NOX4: variants seen among roughly 807,000 people sequenced by gnomAD.
NOX4 encodes NADPH oxidase 4.
NOX4 carries 69 observed loss-of-function variants against 87.6 expected under a neutral mutation model. The observed-to-expected ratio is 0.79, with a 90% CI of 0.65 to 0.96. The LOEUF is 0.96. NOX4 is among the 40% of genes least tolerant of loss of function. The pLI is 0.00. For missense variants in NOX4, 680 were observed against 681.5 expected, an observed-to-expected ratio of 1.00 and a Z score of 0.02; for synonymous variants, 275 against 238.2, an observed-to-expected ratio of 1.15 and a Z score of -1.42.
intron 7 of NOX4, among the ~76,000 whole-genome samples, chr11:89,424,066 C>T (rs1440508841): frequency 2.6e-5 from 4 of 151,596 alleles, no homozygotes; most frequent in Non-Finnish European, 5.9e-5. Flanking sequence ...GAGAAAGACC[C>T]TGTCTCAAAA....
chr11:89,486,814 C>T lies in NOX4; in HGVS notation c.153+3644G>A, dbSNP rs1384410461. ...CTCCTGGCTTCAAGCAATGCTCCCA[C>T]CTTGGCCTCCCAAACCAATAATTTT... On this transcript the variant is annotated intron_variant, in intron 2 of 17. Transcript: ENST00000263317. 2.0e-5 allele frequency among the ~76,000 whole-genome samples: 3 copies of T among 151,790 alleles called. No individual in the cohort carries two copies. The East Asian group carries it at 5.8e-4, about 29-fold the overall frequency.
chr11:89,481,264 T>G (rs887277747), intron 2 of NOX4, among the ~76,000 whole-genome samples: 2 of 151,738 alleles, frequency 1.3e-5, no homozygotes, highest in Non-Finnish European at 2.9e-5. Context: ...TATATATATA[T>G]GTGTGTGTGT....
At chr11:89,399,432 A>AATATATAT (rs1208007737) in intron 11 of NOX4, among the ~76,000 whole-genome samples, 3,727 of 74,444 alleles carry the variant, frequency 0.05, 87 homozygotes, top group African/African-American at 0.061. Context: ...CAAGAAATTA[A>AATATATAT]ATATATATAT....
chr11:89,402,487 G>T lies in NOX4; in HGVS notation c.685C>A (p.Leu229Ile). ...LDTHPPGCIS[L>I]NRTSSQNISL... ...ATATTCTGAGAGCTGGTTCGGTTAA[G>T]ACTGATGCAGCCGGGAGGGTGGGTA... The change falls in exon 9 of 18, where the codon CTT (leucine) becomes ATT (isoleucine). Residue 229 changes from leucine (L) to isoleucine (I), a missense_variant. Transcript: ENST00000263317. 6.2e-7 allele frequency: 1 copy of T among 1,612,374 alleles called. No individual in the cohort carries two copies. Among genetic ancestry groups the T allele is most frequent in the South Asian group, 1.1e-5 (1 of 90,736 alleles).
the NOX4 span, among the ~76,000 whole-genome samples, chr11:89,528,490 C>T: frequency 4.1e-4 from 63 of 152,258 alleles, no homozygotes; most frequent in African/African-American, 1.4e-3. Context: ...TCACAATCCC[C>T]ATGTTTCAAA....
At chr11:89,448,485 T>G (rs1944809526) in intron 4 of NOX4, among the ~76,000 whole-genome samples, 1 of 152,176 alleles carries the variant, frequency 6.6e-6, no homozygotes, top group Admixed American at 6.6e-5. Flanking sequence ...CTTCAGAAAT[T>G]TTGACATTGG....
intron 7 of NOX4, among the ~76,000 whole-genome samples, chr11:89,429,967 C>A (rs184287672): frequency 0.013 from 2,043 of 152,252 alleles, 45 homozygotes; most frequent in African/African-American, 0.047. Context: ...AAAATACTGG[C>A]AAACCGAATC....
At chr11:89,570,085 A>G in the NOX4 span, among the ~76,000 whole-genome samples, 1 of 152,218 alleles carries the variant, frequency 6.6e-6, no homozygotes, top group Middle Eastern at 3.2e-3. Context: ...GCACAATAGC[A>G]AAGATGTGGA....
chr11:89,511,531 G>A, the NOX4 span, among the ~76,000 whole-genome samples: 13 of 151,830 alleles, frequency 8.6e-5, no homozygotes, highest in African/African-American at 3.1e-4. Context: ...CATAACTAGG[G>A]GTTATTGTTG....
chr11:89,499,219 C>T (rs541004127), upstream of NOX4: 2 of 152,304 alleles, frequency 1.3e-5, no homozygotes, highest in African/African-American at 4.8e-5. Context: ...TCCTTACTTA[C>T]ACCCCTTGTC....
the NOX4 span, among the ~76,000 whole-genome samples, chr11:89,534,363 A>G: frequency 1.3e-5 from 2 of 152,272 alleles, no homozygotes; most frequent in East Asian, 3.9e-4. Context: ...GACATTTCTG[A>G]GTCACAATAT....
rs190639363 is a variant in NOX4, at chr11:89,453,000, T to C, written c.154-1105A>G. ...TTGAGGCTGCAGTGAGTCATGTTCA[T>C]GCCACTGGAGTACAGCCTGGGTGAA... On this transcript the variant is annotated intron_variant, in intron 2 of 17. Coordinates refer to ENST00000263317, the MANE Select transcript of NOX4 (RefSeq NM_016931.5). Among the ~76,000 whole-genome samples the C allele has an allele frequency of 5.7e-4, 87 of 152,146 alleles. 1 individual carries two copies. The highest frequency in any genetic ancestry group is 2.0e-3 in the African/African-American group (81 of 41,530).
rs1236712815 is a variant in NOX4 at position 89,326,408 on chromosome 11, A to T, written c.*348T>A. 6.3e-6 allele frequency: 1 copy of T among 158,126 alleles called. No homozygotes were observed. The highest frequency in any genetic ancestry group is 1.4e-5 in the Non-Finnish European group (1 of 72,160). The allele number at this position is 158,126 out of a possible 1,614,324, so 9.8% of individuals were successfully genotyped here. A position where few individuals can be genotyped will look rare whatever the true frequency, so the allele number is the denominator to read the frequency against. ...ATTTGTTCAACCAAAAACAATTTAA[A>T]GAGGAACACGACAATCAGCCTTAGA... On this transcript the variant is annotated 3_prime_UTR_variant, in exon 18 of 18. Transcript: ENST00000263317.
At chr11:89,354,119 G>C (rs1229932212) in intron 13 of NOX4, among the ~76,000 whole-genome samples, 2 of 152,170 alleles carry the variant, frequency 1.3e-5, no homozygotes, top group Non-Finnish European at 2.9e-5. Context: ...TCAAAGCGAT[G>C]AAAGAATTTG....
chr11:89,486,289 A>T (rs1423635893), intron 2 of NOX4, among the ~76,000 whole-genome samples: 2 of 148,170 alleles, frequency 1.3e-5, no homozygotes, highest in African/African-American at 4.9e-5. Context: ...ATAAATAAAT[A>T]AATTTATTTA....
intron 12 of NOX4, among the ~76,000 whole-genome samples, chr11:89,359,976 A>T (rs1256007129): frequency 2.0e-5 from 3 of 152,034 alleles, no homozygotes; most frequent in Non-Finnish European, 4.4e-5. Context: ...TTTAAATGGC[A>T]TCAAAACGAA....
intron 13 of NOX4, among the ~76,000 whole-genome samples, chr11:89,345,519 T>C (rs1376828358): frequency 6.7e-6 from 1 of 150,222 alleles, no homozygotes; most frequent in Non-Finnish European, 1.5e-5. Flanking sequence ...AAACAACCAA[T>C]ACTGTACTCT....
chr11:89,342,185 A>C lies in NOX4; in HGVS notation c.1226T>G (p.Ile409Ser). The C allele has an allele frequency of 6.2e-7, 1 of 1,611,970 alleles. No individual in the cohort carries two copies. The highest frequency in any genetic ancestry group is 8.5e-7 in the Non-Finnish European group (1 of 1,178,888). Residue 409 changes from isoleucine (I) to serine (S), a missense_variant, in exon 14 of 18, where the codon ATT (isoleucine) becomes AGT (serine). By Grantham distance (142) the Ile-to-Ser change is moderately radical. Transcript: ENST00000263317. ...IQSRNYPKLY[I>S]DGPFGSPFEE... ...AAATGGACTTCCAAAAGGACCATCAATATACAGCCTGTAGAGCAGTCAGAA... is the reference window on the plus strand; with the variant it reads ...AAATGGACTTCCAAAAGGACCATCACTATACAGCCTGTAGAGCAGTCAGAA...
rs533545261 is a variant in NOX4 at position 89,467,508 on chromosome 11, G to C, written c.154-15613C>G. Among the ~76,000 whole-genome samples the C allele has an allele frequency of 2.2e-4, 34 of 152,114 alleles. 1 individual carries two copies. Among genetic ancestry groups the C allele is most frequent in the South Asian group, 1.2e-3 (6 of 4,818 alleles). On this transcript the variant is annotated intron_variant, in intron 2 of 17. Transcript: ENST00000263317. ...AACATTTATTTCTCTCCATTCCGGA[G>C]TCTACAAGTTCAAGGTCAAGGCAGA... is the stretch of plus-strand genomic sequence containing the variant.
Sources: allele counts gnomAD v4.1 joint callset (sites outside exome capture counted in the v4.1 genomes callset), GRCh38; gene constraint gnomAD v4.1.1; transcripts MANE v1.5; gene names NCBI Gene and HGNC (gene_info 2026-07-23, HGNC 2026-07-21).